The following LEMD3 variants were observed in gnomAD, a reference collection of about 807,000 sequenced individuals.
LEMD3 encodes the protein inner nuclear membrane protein Man1.
A neutral mutation model predicts 95.2 loss-of-function variants in LEMD3; 33 were observed. The ratio of observed to expected loss-of-function variants is 0.35; its 90% CI spans 0.26 to 0.46. LEMD3 has a LOEUF of 0.46. Ranked by LOEUF, LEMD3 falls within the 20% of genes least tolerant of loss-of-function variation. The pLI is 1.00. For synonymous variants in LEMD3, 525 were observed against 474.6 expected (o/e 1.11, Z -1.38); for missense variants, 1,210 against 1,192.8 (o/e 1.01, Z -0.21).
chr12:65,245,694 G>A lies in LEMD3; in HGVS notation c.2413G>A (p.Ala805Thr). 1.2e-6 allele frequency: 2 copies of A among 1,613,572 alleles called. No individual in the cohort carries two copies. The highest frequency in any genetic ancestry group is 1.7e-6 in the Non-Finnish European group (2 of 1,179,630). The change falls in exon 11 of 13, where the codon GCA (alanine) becomes ACA (threonine). Residue 805 changes from alanine to threonine, a missense_variant. Transcript: ENST00000308330. ...VMEIGDQWHL[A>T]IQEAILEKCS... is the part of the protein sequence containing the mutation. ...GGAAATAGGGGATCAGTGGCATTTG[G>A]CAATTCAAGAAGCAATTTTAGAAAA...
At chr12:65,231,603 G>A (rs1462195754) in intron 4 of LEMD3, among the ~76,000 whole-genome samples, 1 of 152,062 alleles carries the variant, frequency 6.6e-6, no homozygotes, top group African/African-American at 2.4e-5. Context: ...GGGAGGCTGA[G>A]ATGGGAGGAT....
At chr12:65,209,764 G>C (rs1176045770) in intron 1 of LEMD3, among the ~76,000 whole-genome samples, 1 of 150,938 alleles carries the variant, frequency 6.6e-6, no homozygotes, top group South Asian at 2.1e-4. Context: ...TTTTTTCCTT[G>C]CTCTTTTATT....
intron 8 of LEMD3, 38 bp downstream of exon 8, chr12:65,240,276 A>C: frequency 4.2e-6 from 6 of 1,428,950 alleles, no homozygotes; most frequent in Non-Finnish European, 5.9e-6. Context: ...TAAATCAGAA[A>C]ATTTAAGTGC....
chr12:65,221,179 C>CTTTTTTTTTT (rs34468551), intron 4 of LEMD3, among the ~76,000 whole-genome samples: 1 of 123,368 alleles, frequency 8.1e-6, no homozygotes, highest in African/African-American at 2.9e-5. Context: ...TTTCATTCAG[C>CTTTTTTTTTT]TTTTTTTTTT....
chr12:65,194,608 C>T (rs1488111643), intron 1 of LEMD3, among the ~76,000 whole-genome samples: 1 of 151,850 alleles, frequency 6.6e-6, no homozygotes, highest in African/African-American at 2.4e-5. Context: ...TATCAAAAGG[C>T]TAGTCTTAGG....
chr12:65,200,360 T>C (rs1049022092), intron 1 of LEMD3, among the ~76,000 whole-genome samples: 2 of 152,162 alleles, frequency 1.3e-5, no homozygotes, highest in African/African-American at 4.8e-5. Flanking sequence ...CTGTTGAGTG[T>C]ACTTCTGGTT....
chr12:65,225,925 T>C (rs1870435353), intron 4 of LEMD3, among the ~76,000 whole-genome samples: 3 of 152,208 alleles, frequency 2.0e-5, no homozygotes, highest in Non-Finnish European at 4.4e-5. Flanking sequence ...TGGAGTATAC[T>C]GAGTCCTATC....
At chr12:65,223,784 G>T (rs1391626290) in intron 4 of LEMD3, among the ~76,000 whole-genome samples, 1 of 146,538 alleles carries the variant, frequency 6.8e-6, no homozygotes, top group African/African-American at 2.5e-5. Context: ...TTTTCTCTCC[G>T]TGTTGTAGCT....
intron 4 of LEMD3, among the ~76,000 whole-genome samples, chr12:65,227,440 T>A (rs1284965382): frequency 1.3e-5 from 2 of 152,166 alleles, no homozygotes; most frequent in African/African-American, 4.8e-5. Flanking sequence ...TGAAATAGGA[T>A]TAATTCTTCC....
At position 65,224,135 on chromosome 12, in the gene LEMD3, T is replaced by G. The variant is rs184021619; in HGVS notation, c.1695+5516T>G. ...AAATTGTATATCACAATTAAGTGAT[T>G]TACACACCACCATTACAGTGTTACA... On this transcript the variant is annotated intron_variant, in intron 4 of 12. Transcript: ENST00000308330. 2.3e-3 allele frequency among the ~76,000 whole-genome samples: 347 copies of G among 152,288 alleles called. 1 individual carries two copies. The highest frequency in any genetic ancestry group is 8.1e-3 in the African/African-American group (336 of 41,562).
intron 1 of LEMD3, among the ~76,000 whole-genome samples, chr12:65,207,716 G>A (rs752819338): frequency 1.3e-5 from 2 of 152,116 alleles, no homozygotes; most frequent in Non-Finnish European, 2.9e-5. Flanking sequence ...ATATACTATT[G>A]CCTGTTTTCC....
At chr12:65,216,091 A>G (rs1387876975) in intron 3 of LEMD3, 48 bp downstream of exon 3, 2 of 1,108,234 alleles carry the variant, frequency 1.8e-6, no homozygotes, top group Non-Finnish European at 2.8e-6. Flanking sequence ...TGAAAAATGT[A>G]TGTAGCATGT....
chr12:65,205,290 A>C (rs1282802671), intron 1 of LEMD3, among the ~76,000 whole-genome samples: 1 of 152,166 alleles, frequency 6.6e-6, no homozygotes, highest in Admixed American at 6.6e-5. Flanking sequence ...TAACCATATC[A>C]GTCTGATAAC....
At chr12:65,225,699 G>A (rs1870427672) in intron 4 of LEMD3, among the ~76,000 whole-genome samples, 1 of 152,148 alleles carries the variant, frequency 6.6e-6, no homozygotes, top group Non-Finnish European at 1.5e-5. Context: ...TCCTGCCTCA[G>A]CCTCCCAAGT....
chr12:65,171,138 G>T lies in LEMD3; in HGVS notation c.1522+20G>T. On this transcript the variant is annotated intron_variant, in intron 1 of 12. Transcript: ENST00000308330. ...TCAGCAGTAAGTATTAAATCCTGTGGGTAAGGTAACAAAGAGAATGTTGTT... is the reference window on the plus strand; with the variant it reads ...TCAGCAGTAAGTATTAAATCCTGTGTGTAAGGTAACAAAGAGAATGTTGTT... 1 of 1,606,064 alleles carries T rather than the reference G, an allele frequency of 6.2e-7. No individual in the cohort carries two copies. Among genetic ancestry groups the T allele is most frequent in the South Asian group, 1.1e-5 (1 of 90,976 alleles).
chr12:65,246,082 T>C (rs1871095736), intron 12 of LEMD3, 80 bp from the exon 13 acceptor site: 5 of 1,282,930 alleles, frequency 3.9e-6, no homozygotes, highest in East Asian at 2.4e-5. Context: ...TTTGTGCTCA[T>C]ATGTCTTTTA....
At chr12:65,215,217 C>G (rs909505861) in intron 2 of LEMD3, among the ~76,000 whole-genome samples, 5 of 152,124 alleles carry the variant, frequency 3.3e-5, no homozygotes, top group African/African-American at 1.2e-4. Context: ...AGGGTCTTTC[C>G]CATTGCCTAG....
intron 1 of LEMD3, among the ~76,000 whole-genome samples, chr12:65,207,213 C>G (rs1174106064): frequency 6.6e-6 from 1 of 152,062 alleles, no homozygotes; most frequent in Non-Finnish European, 1.5e-5. Context: ...TTGTAGTAAT[C>G]AAGACTATAG....
In LEMD3 at chr12:65,170,484, G is replaced by T. The variant is rs758934476; in HGVS notation, c.888G>T (p.Pro296=). 6.2e-7 allele frequency: 1 copy of T among 1,613,566 alleles called. No homozygotes were observed. Among genetic ancestry groups the T allele is most frequent in the South Asian group, 1.1e-5 (1 of 91,046 alleles). The change falls in exon 1 of 13, where the codon CCG becomes CCT. Residue 296 remains proline (P), a synonymous_variant. Coordinates refer to ENST00000308330, the MANE Select transcript of LEMD3 (RefSeq NM_014319.5). ...GAACCCATAGTAAGCCTCTCCCCCC[G>T]CTGACTGCTAAATCGGCCGGCGGCA... ...PRRTHSKPLP[P]LTAKSAGGRL...
Sources: allele counts gnomAD v4.1 joint callset (sites outside exome capture counted in the v4.1 genomes callset), GRCh38; gene constraint gnomAD v4.1.1; transcripts MANE v1.5; gene names NCBI Gene and HGNC (gene_info 2026-07-23, HGNC 2026-07-21).